Variants in LRCH1 observed in about 807,000 individuals in gnomAD.
The protein encoded by LRCH1 is leucine rich repeats and calponin homology domain containing 1, also known as leucine-rich repeat and calponin homology domain-containing protein 1.
Under a neutral mutation model 94.9 loss-of-function variants are expected in LRCH1, and 23 were observed. That is an observed-to-expected ratio of 0.24 (90% CI 0.17 to 0.34). LRCH1 has a LOEUF of 0.34. Among genes scored for constraint, LRCH1 ranks in the 10% least tolerant of loss-of-function variants. LRCH1 has a pLI of 1.00. For synonymous variants in LRCH1, 364 were observed against 354.9 expected (o/e 1.03, Z -0.29); for missense variants, 790 against 945.9 (o/e 0.84, Z 2.16).
chr13:46,603,953 G>A (rs747688595), intron 1 of LRCH1, among the ~76,000 whole-genome samples: 11 of 152,126 alleles, frequency 7.2e-5, no homozygotes, highest in Admixed American at 1.3e-4. Context: ...CACCATGCCC[G>A]GCCAAACTTC....
chr13:46,673,661 A>G (rs1442011625), intron 3 of LRCH1, among the ~76,000 whole-genome samples: 1 of 151,978 alleles, frequency 6.6e-6, no homozygotes, highest in African/African-American at 2.4e-5. Flanking sequence ...GTCTCAGCTT[A>G]TTAGGCTCTA....
At chr13:46,751,320 A>G (rs1874127755) in exon 19 of LRCH1, 1 of 152,140 alleles carries the variant, frequency 6.6e-6, no homozygotes, top group Non-Finnish European at 1.5e-5. Context: ...ATGATTCCAA[A>G]AAAAAGCGAA....
At chr13:46,619,019 C>G (rs566266319) in intron 1 of LRCH1, among the ~76,000 whole-genome samples, 1 of 152,258 alleles carries the variant, frequency 6.6e-6, no homozygotes, top group South Asian at 2.1e-4. Context: ...TTGGGAACTT[C>G]AGACTAACTT....
At chr13:46,728,140 A>G (rs1872918485) in intron 17 of LRCH1, among the ~76,000 whole-genome samples, 1 of 151,652 alleles carries the variant, frequency 6.6e-6, no homozygotes, top group Non-Finnish European at 1.5e-5. Flanking sequence ...CTGGTCTCAA[A>G]CTCCTGAGCT....
At position 46,669,046 on chromosome 13, in the gene LRCH1, G is replaced by A. The variant is rs199761878; in HGVS notation, c.469G>A (p.Ala157Thr). The part of the protein sequence containing the change: ...YLNLSRNQLS[A>T]LPACLCGLPL... ...TCTTTGCAGTCGAAATCAGCTGTCCGCCCTGCCTGCCTGCCTGTGTGGTCT... is the reference window on the plus strand; with the variant it reads ...TCTTTGCAGTCGAAATCAGCTGTCCACCCTGCCTGCCTGCCTGTGTGGTCT... Residue 157 changes from alanine to threonine, a missense_variant, in exon 3 of 20, where the codon GCC becomes ACC. By Grantham distance (58) the Ala-to-Thr change is moderately conservative (BLOSUM62 0). Coordinates refer to ENST00000389797, the MANE Select transcript of LRCH1 (RefSeq NM_001164211.2). 111 of 1,613,644 alleles carry A rather than the reference G, an allele frequency of 6.9e-5. 1 individual carries two copies. In the East Asian group the frequency reaches 1.4e-3, roughly 20 times the overall value.
rs1176442496 is a variant in LRCH1, at chr13:46,743,549, GA to G, written c.*1702del. 26 of 985,658 alleles carry G rather than the reference GA, an allele frequency of 2.6e-5. No homozygotes were observed. Among genetic ancestry groups the G allele is most frequent in the Non-Finnish European group, 2.8e-5 (23 of 829,912 alleles). 61.1% of individuals were successfully genotyped at this position (985,658 alleles called of 1,614,324 possible). A position where few individuals can be genotyped will look rare whatever the true frequency, so the allele number is the denominator to read the frequency against. On this transcript the variant is annotated 3_prime_UTR_variant, in exon 20 of 20. Coordinates refer to ENST00000389797, the MANE Select transcript of LRCH1 (RefSeq NM_001164211.2). ...AAAATCCCTTTGTACGATGTCTAAT[GA>G]GCACCCTGAGCCATAAATTGCTTAA...
intron 1 of LRCH1, among the ~76,000 whole-genome samples, chr13:46,618,422 G>A (rs2050837790): frequency 1.3e-5 from 2 of 152,090 alleles, no homozygotes; most frequent in African/African-American, 4.8e-5. Flanking sequence ...TGTTGTGTGG[G>A]GCATAACTGT....
chr13:46,656,003 T>C (rs753133094), intron 2 of LRCH1, among the ~76,000 whole-genome samples: 12 of 152,240 alleles, frequency 7.9e-5, no homozygotes, highest in South Asian at 2.1e-4. Context: ...CAAAATGTTA[T>C]CACACCATAA....
intron 4 of LRCH1, 99 bp downstream of exon 4, chr13:46,681,945 T>TGTGTGTGTGG: frequency 1.6e-6 from 1 of 627,382 alleles, no homozygotes; most frequent in South Asian, 1.9e-5. Context: ...TTTGTGTGTG[T>TGTGTGTGTGG]GTGTGTGTGT....
chr13:46,699,181 T>C (rs1390077780), intron 9 of LRCH1, among the ~76,000 whole-genome samples, 155 bp from the exon 10 acceptor site: 1 of 152,242 alleles, frequency 6.6e-6, no homozygotes, highest in African/African-American at 2.4e-5. Flanking sequence ...ACATACCAGA[T>C]TTGTTTATCT....
chr13:46,719,778 G>A (rs182421103), intron 16 of LRCH1, among the ~76,000 whole-genome samples: 7 of 151,282 alleles, frequency 4.6e-5, no homozygotes, highest in East Asian at 2.0e-4. Flanking sequence ...CAGGTGGATC[G>A]CTTGAGGTCA....
intron 1 of LRCH1, among the ~76,000 whole-genome samples, chr13:46,637,511 C>T (rs1594305413): frequency 6.6e-6 from 1 of 152,284 alleles, no homozygotes; most frequent in East Asian, 1.9e-4. Flanking sequence ...CACAGCCTTC[C>T]CTGGTGTGCC....
At chr13:46,739,838 T>C (rs915797767) in intron 19 of LRCH1, among the ~76,000 whole-genome samples, 2 of 152,180 alleles carry the variant, frequency 1.3e-5, no homozygotes, top group Non-Finnish European at 2.9e-5. Context: ...TGAAATTGTT[T>C]CCTGGATGAG....
chr13:46,594,145 G>A (rs1035446027), intron 1 of LRCH1, among the ~76,000 whole-genome samples: 2 of 151,930 alleles, frequency 1.3e-5, no homozygotes, highest in African/African-American at 4.8e-5. Flanking sequence ...TTAAGCCTAG[G>A]CAGTCTGAGT....
Position 46,733,826 on chromosome 13 carries a change from T to A in LRCH1, c.2008-95T>A, listed in dbSNP as rs569592974. On this transcript the variant is annotated intron_variant, in intron 18 of 19. Coordinates refer to ENST00000389797, the MANE Select transcript of LRCH1 (RefSeq NM_001164211.2). ...TTTCTTTTGCTCCAATAAACATGTA[T>A]TGCTTGTGCCATTTGGGAAGTTTAA... 4.6e-5 allele frequency: 31 copies of A among 675,932 alleles called. 1 individual carries two copies. In the South Asian group the frequency reaches 6.3e-4, roughly 14 times the overall value. The allele number at this position is 675,932 out of a possible 1,614,324, so 41.9% of individuals were successfully genotyped here. A position where few individuals can be genotyped will look rare whatever the true frequency, so the allele number is the denominator to read the frequency against.
chr13:46,631,249 G>A (rs550139479), intron 1 of LRCH1, among the ~76,000 whole-genome samples: 3 of 152,266 alleles, frequency 2.0e-5, no homozygotes, highest in East Asian at 1.9e-4. Flanking sequence ...TTGCCATGCC[G>A]TCTCATTGCT....
chr13:46,593,247 A>G (rs1295729931), intron 1 of LRCH1, among the ~76,000 whole-genome samples: 2 of 150,670 alleles, frequency 1.3e-5, no homozygotes, highest in East Asian at 3.9e-4. Context: ...ATAAAAAAAA[A>G]GTTTTTCCTT....
chr13:46,687,745 A>G, intron 5 of LRCH1, 107 bp from the exon 6 acceptor site: 1 of 836,050 alleles, frequency 1.2e-6, no homozygotes, highest in South Asian at 2.1e-5. Flanking sequence ...GTAGGGTGTT[A>G]CTTAAAATGA....
intron 1 of LRCH1, among the ~76,000 whole-genome samples, chr13:46,631,221 AGTAG>A (rs1368869219): frequency 1.2e-4 from 19 of 152,220 alleles, no homozygotes; most frequent in Admixed American, 3.3e-4. Flanking sequence ...ATGCTCCAAA[AGTAG>A]GTTCTCACTG....
Sources: allele counts gnomAD v4.1 joint callset (sites outside exome capture counted in the v4.1 genomes callset), GRCh38; gene constraint gnomAD v4.1.1; transcripts MANE v1.5; gene names NCBI Gene and HGNC (gene_info 2026-07-23, HGNC 2026-07-21).